The following ZNF804B variants were observed in gnomAD, a reference collection of about 807,000 sequenced individuals.
ZNF804B encodes the protein zinc finger 804B.
A neutral mutation model predicts 101.4 loss-of-function variants in ZNF804B; 80 were observed. The observed-to-expected ratio is 0.79, with a 90% CI of 0.66 to 0.95. The LOEUF is 0.95. Among genes scored for constraint, ZNF804B ranks in the 40% least tolerant of loss-of-function variants. The pLI is 0.00. For synonymous variants in ZNF804B, 622 were observed against 558.8 expected (o/e 1.11, Z -1.59); for missense variants, 1,673 against 1,561.9 (o/e 1.07, Z -1.20).
chr7:89,160,866 C>T (rs897437954), intron 1 of ZNF804B, among the ~76,000 whole-genome samples: 3 of 152,126 alleles, frequency 2.0e-5, no homozygotes, highest in Non-Finnish European at 4.4e-5. Context: ...GTTGACTAAA[C>T]AGAGACTGAA....
At chr7:89,221,885 T>C (rs773061115) in intron 2 of ZNF804B, among the ~76,000 whole-genome samples, 6 of 151,960 alleles carry the variant, frequency 3.9e-5, no homozygotes, top group Admixed American at 2.0e-4. Flanking sequence ...ACTGTGTCCA[T>C]TGTGAAAAAG....
At chr7:88,800,737 T>G (rs1790567378) in intron 1 of ZNF804B, among the ~76,000 whole-genome samples, 1 of 148,196 alleles carries the variant, frequency 6.7e-6, no homozygotes, top group Non-Finnish European at 1.5e-5. Context: ...TGTGTGTGCT[T>G]AAAGCATAAA....
chr7:89,337,137 C>A lies in ZNF804B; in HGVS notation c.*105C>A. On this transcript the variant is annotated 3_prime_UTR_variant, in exon 4 of 4. Coordinates refer to ENST00000333190, the MANE Select transcript of ZNF804B (RefSeq NM_181646.5). Reference sequence around the variant, plus strand: ...ATTATAAGATTTAAAATATTGCTGCCAATTCAAAATGTGACAAATATATAA... The same window carrying A: ...ATTATAAGATTTAAAATATTGCTGCAAATTCAAAATGTGACAAATATATAA... 8.8e-7 allele frequency: 1 copy of A among 1,132,064 alleles called. No individual in the cohort carries two copies. 70.1% of individuals were successfully genotyped at this position (1,132,064 alleles called of 1,614,324 possible).
intron 2 of ZNF804B, among the ~76,000 whole-genome samples, chr7:89,294,682 A>G (rs1481891931): frequency 6.6e-6 from 1 of 151,494 alleles, no homozygotes; most frequent in Non-Finnish European, 1.5e-5. Context: ...ATTTCCTTTT[A>G]TCACTCTTAA....
rs561953233 is a variant in ZNF804B at position 89,336,537 on chromosome 7, G to A, written c.3555G>A (p.Gly1185=). Residue 1185 remains glycine, a synonymous_variant, in exon 4 of 4, where the codon GGG becomes GGA. Coordinates refer to ENST00000333190, the MANE Select transcript of ZNF804B (RefSeq NM_181646.5). ...SKHLRVLPAA[G]PTAFSPASTV... ...ATCTTCGAGTTTTGCCTGCTGCAGGGCCTACTGCCTTCTCTCCGGCCTCAA... is the reference window on the plus strand; with the variant it reads ...ATCTTCGAGTTTTGCCTGCTGCAGGACCTACTGCCTTCTCTCCGGCCTCAA... The A allele has an allele frequency of 7.4e-6, 12 of 1,614,006 alleles. No homozygotes were observed. In the African/African-American group the frequency reaches 1.5e-4, roughly 20 times the overall value.
At chr7:89,284,252 G>A (rs1456859222) in intron 2 of ZNF804B, among the ~76,000 whole-genome samples, 1 of 152,184 alleles carries the variant, frequency 6.6e-6, no homozygotes, top group Admixed American at 6.5e-5. Flanking sequence ...GCCTTGTGAT[G>A]CTGATCATCT....
At chr7:89,265,945 C>T (rs1190740449) in intron 2 of ZNF804B, among the ~76,000 whole-genome samples, 1 of 152,148 alleles carries the variant, frequency 6.6e-6, no homozygotes, top group Non-Finnish European at 1.5e-5. Flanking sequence ...TCTGGTCACT[C>T]GACTTCATGG....
intron 1 of ZNF804B, among the ~76,000 whole-genome samples, chr7:89,140,453 G>A (rs1039203045): frequency 1.3e-5 from 2 of 151,952 alleles, no homozygotes; most frequent in South Asian, 2.1e-4. Flanking sequence ...CCAATAAAAG[G>A]CAATAGAAGG....
intron 1 of ZNF804B, among the ~76,000 whole-genome samples, chr7:89,210,178 T>G (rs1239576498): frequency 6.6e-6 from 1 of 151,566 alleles, no homozygotes; most frequent in South Asian, 2.1e-4. Flanking sequence ...CAATCATAAC[T>G]TTGGAGAAAT....
intron 1 of ZNF804B, among the ~76,000 whole-genome samples, chr7:88,841,704 C>CT (rs1252686640): frequency 1.3e-5 from 2 of 152,066 alleles, no homozygotes; most frequent in East Asian, 3.9e-4. Context: ...CCCTCCTGAG[C>CT]TTTTGGTTGG....
At position 88,811,959 on chromosome 7, in the gene ZNF804B, C is replaced by A. The variant is rs192949639; in HGVS notation, c.108+51875C>A. 5.7e-3 allele frequency among the ~76,000 whole-genome samples: 865 copies of A among 152,184 alleles called. 5 individuals carry two copies. Among genetic ancestry groups the A allele is most frequent in the African/African-American group, 0.02 (826 of 41,492 alleles). Reference sequence around the variant, plus strand: ...CAAACCTGCACACCCTGCACATGTACCCCAGAACTTTAAAAAAAATTGAGA... The same window carrying A: ...CAAACCTGCACACCCTGCACATGTAACCCAGAACTTTAAAAAAAATTGAGA... On this transcript the variant is annotated intron_variant, in intron 1 of 3. Transcript: ENST00000333190.
At chr7:88,788,849 A>G (rs1387399982) in intron 1 of ZNF804B, among the ~76,000 whole-genome samples, 1 of 152,114 alleles carries the variant, frequency 6.6e-6, no homozygotes, top group African/African-American at 2.4e-5. Flanking sequence ...CAACACTATT[A>G]TTCTCTTCAT....
At chr7:89,159,431 C>A (rs1332043905) in intron 1 of ZNF804B, among the ~76,000 whole-genome samples, 1 of 152,020 alleles carries the variant, frequency 6.6e-6, no homozygotes, top group Non-Finnish European at 1.5e-5. Context: ...TGATCTTGGA[C>A]ACATTACCTA....
At chr7:89,048,346 C>A (rs1254780723) in intron 1 of ZNF804B, among the ~76,000 whole-genome samples, 2 of 151,920 alleles carry the variant, frequency 1.3e-5, no homozygotes, top group East Asian at 3.9e-4. Context: ...TTTAAAAGGA[C>A]TGGTTTCTGT....
intron 1 of ZNF804B, among the ~76,000 whole-genome samples, chr7:88,973,221 C>T (rs796374194): frequency 4.7e-4 from 71 of 150,708 alleles, no homozygotes; most frequent in African/African-American, 1.6e-3. Context: ...TATTGTAATC[C>T]ATTATGTACC....
intron 1 of ZNF804B, among the ~76,000 whole-genome samples, chr7:88,835,065 T>A (rs1007797323): frequency 6.6e-6 from 1 of 151,900 alleles, no homozygotes; most frequent in Non-Finnish European, 1.5e-5. Flanking sequence ...TTTTAATCAA[T>A]TGGAGTTTTA....
At position 89,334,220 on chromosome 7, in the gene ZNF804B, CTT is replaced by C. The variant is rs778168130; in HGVS notation, c.1240_1241del (p.Leu414ArgfsTer2). 4 of 1,613,346 alleles carry C rather than the reference CTT, an allele frequency of 2.5e-6. No individual in the cohort carries two copies. In the Admixed American group the frequency reaches 6.7e-5, roughly 27 times the overall value. On this transcript the variant is annotated frameshift_variant, in exon 4 of 4. Transcript: ENST00000333190. LOFTEE classifies it high-confidence loss of function. Reference sequence around the variant, plus strand: ...TCCAGAATAGAGAACAGAGAAAAATCTTTAGATAAAACAGAAAGAGTTAGCAA... The same window carrying C: ...TCCAGAATAGAGAACAGAGAAAAATCTAGATAAAACAGAAAGAGTTAGCAA...
chr7:89,071,505 T>G (rs1199448278), intron 1 of ZNF804B, among the ~76,000 whole-genome samples: 1 of 152,088 alleles, frequency 6.6e-6, no homozygotes, highest in Non-Finnish European at 1.5e-5. Context: ...ATAAAAAATA[T>G]AAATGAAACT....
intron 2 of ZNF804B, among the ~76,000 whole-genome samples, chr7:89,308,160 A>G (rs565814879): frequency 6.6e-6 from 1 of 152,284 alleles, no homozygotes; most frequent in African/African-American, 2.4e-5. Context: ...TGACAGAACT[A>G]TATTTTCCTT....
Sources: gnomAD v4.1 joint callset for allele counts (sites outside exome capture counted in the v4.1 genomes callset) on GRCh38, gnomAD v4.1.1 for gene constraint, MANE v1.5 for transcripts, NCBI Gene and HGNC (gene_info 2026-07-23, HGNC 2026-07-21) for gene names.